Variants in SPTLC2 observed in about 807,000 individuals in gnomAD.
The protein encoded by SPTLC2 is serine palmitoyltransferase 2.
SPTLC2 carries 21 observed loss-of-function variants against 62.0 expected under a neutral mutation model. The ratio of observed to expected loss-of-function variants is 0.34; its 90% CI spans 0.24 to 0.49. SPTLC2 has a LOEUF of 0.49. Ranked by LOEUF, SPTLC2 falls within the 20% of genes least tolerant of loss-of-function variation. The pLI is 0.99. For synonymous variants in SPTLC2, 261 were observed against 261.8 expected (o/e 1.00, Z 0.03); for missense variants, 511 against 713.0 (o/e 0.72, Z 3.23).
chr14:77,540,806 T>C (rs866380228), intron 9 of SPTLC2, among the ~76,000 whole-genome samples: 7 of 152,316 alleles, frequency 4.6e-5, no homozygotes, highest in South Asian at 2.1e-4. Context: ...ATCTCTCTCA[T>C]TGCTAACATT....
chr14:77,521,160 C>A (rs564126115), intron 10 of SPTLC2, among the ~76,000 whole-genome samples: 1 of 152,324 alleles, frequency 6.6e-6, no homozygotes, highest in Non-Finnish European at 1.5e-5. Context: ...TGACTGTTGC[C>A]CCCTACTAGA....
At chr14:77,599,782 T>A (rs886980223) in intron 1 of SPTLC2, among the ~76,000 whole-genome samples, 10 of 152,132 alleles carry the variant, frequency 6.6e-5, no homozygotes, top group African/African-American at 2.4e-4. Flanking sequence ...AGGCAGAAAA[T>A]TGTTTAAAAA....
chr14:77,548,801 C>T (rs1172631628), intron 9 of SPTLC2, among the ~76,000 whole-genome samples: 1 of 152,146 alleles, frequency 6.6e-6, no homozygotes, highest in Non-Finnish European at 1.5e-5. Context: ...CTCACAAAGT[C>T]GTGTGGAAAC....
At chr14:77,598,817 G>T (rs552320928) in intron 1 of SPTLC2, among the ~76,000 whole-genome samples, 7 of 151,860 alleles carry the variant, frequency 4.6e-5, no homozygotes, top group African/African-American at 1.7e-4. Flanking sequence ...CATGCCTGTA[G>T]TCCCAGGTCC....
At position 77,545,637 on chromosome 14, in the gene SPTLC2, G is replaced by A. The variant is rs193214064; in HGVS notation, c.1303+6459C>T. ...ACTGGTTTATACATATTAAGTATCTGCTATAAAGTTGGGGAACAGCTAGGA... is the reference window on the plus strand; with the variant it reads ...ACTGGTTTATACATATTAAGTATCTACTATAAAGTTGGGGAACAGCTAGGA... On this transcript the variant is annotated intron_variant, in intron 9 of 11. Coordinates refer to ENST00000216484, the MANE Select transcript of SPTLC2 (RefSeq NM_004863.4). 6.6e-5 allele frequency among the ~76,000 whole-genome samples: 10 copies of A among 152,220 alleles called. No homozygotes were observed. In the East Asian group the frequency reaches 1.9e-3, roughly 29 times the overall value.
chr14:77,546,435 G>A (rs1056187945), intron 9 of SPTLC2, among the ~76,000 whole-genome samples: 3 of 152,140 alleles, frequency 2.0e-5, no homozygotes, highest in Non-Finnish European at 4.4e-5. Context: ...TAAAATATGA[G>A]TTTGCTTCAA....
chr14:77,506,371 A>G lies in SPTLC2; in HGVS notation c.*5913T>C, dbSNP rs2079305175. On this transcript the variant is annotated 3_prime_UTR_variant, in exon 12 of 12. Transcript: ENST00000216484. ...TTTACAGGTAACTTGGTCAGGGGAA[A>G]AATATGGGTCAACGAAGTAAGATCT... The G allele has an allele frequency of 6.6e-6, 1 of 152,212 alleles. No homozygotes were observed. Among genetic ancestry groups the G allele is most frequent in the Non-Finnish European group, 1.5e-5 (1 of 68,036 alleles). The allele number at this position is 152,212 out of a possible 1,614,324, so 9.4% of individuals were successfully genotyped here. A position where few individuals can be genotyped will look rare whatever the true frequency, so the allele number is the denominator to read the frequency against.
At chr14:77,613,080 CTACTATATTTCAGG>C (rs2079946674) in intron 1 of SPTLC2, among the ~76,000 whole-genome samples, 2 of 149,940 alleles carry the variant, frequency 1.3e-5, no homozygotes, top group Non-Finnish European at 3.0e-5. Flanking sequence ...CACAAACAAA[CTACTATATTTCAGG>C]TGCAACCAAA....
At chr14:77,591,730 G>GTATGTATGTATGCATT (rs372095112) in intron 2 of SPTLC2, among the ~76,000 whole-genome samples, 1 of 131,174 alleles carries the variant, frequency 7.6e-6, no homozygotes, top group African/African-American at 2.7e-5. Flanking sequence ...ATGTATGTAT[G>GTATGTATGTATGCATT]TATTTATTTT....
rs1555373703 is a variant in SPTLC2 at position 77,529,620 on chromosome 14, C to CTTTCTTTTTTTTTTTT, written c.1304-8040_1304-8039insAAAAAAAAAAAAGAAA. On this transcript the variant is annotated intron_variant, in intron 9 of 11. Transcript: ENST00000216484. ...TTCTAGGAAAGCAATTTCTTTCTTTCTTTTTTTTTTTTTTTTTTTTTTGAG... is the reference window on the plus strand; with the variant it reads ...TTCTAGGAAAGCAATTTCTTTCTTTCTTTCTTTTTTTTTTTTTTTTTTTTTTTTTTTTTTTTTTGAG... Among the ~76,000 whole-genome samples, 100 of 76,068 alleles carry CTTTCTTTTTTTTTTTT rather than the reference C, an allele frequency of 1.3e-3. 6 individuals are homozygous for CTTTCTTTTTTTTTTTT. Among genetic ancestry groups the CTTTCTTTTTTTTTTTT allele is most frequent in the Non-Finnish European group, 1.9e-3 (71 of 36,824 alleles). 49.9% of individuals were successfully genotyped at this position (76,068 alleles called of 152,430 possible).
chr14:77,594,726 T>TA (rs1179727913), intron 2 of SPTLC2, among the ~76,000 whole-genome samples: 1 of 152,244 alleles, frequency 6.6e-6, no homozygotes, highest in East Asian at 1.9e-4. Flanking sequence ...TTGCCTATAC[T>TA]ATCCCCTCAT....
chr14:77,529,042 T>C (rs2079423018), intron 9 of SPTLC2, among the ~76,000 whole-genome samples: 1 of 152,058 alleles, frequency 6.6e-6, no homozygotes, highest in Non-Finnish European at 1.5e-5. Context: ...TTCACCATGT[T>C]GGCCAGGCTG....
chr14:77,519,083 AG>A (rs1402963178), intron 10 of SPTLC2, among the ~76,000 whole-genome samples: 1 of 152,150 alleles, frequency 6.6e-6, no homozygotes, highest in African/African-American at 2.4e-5. Flanking sequence ...CTTTGTCGCC[AG>A]GCTGCAGTGC....
intron 11 of SPTLC2, among the ~76,000 whole-genome samples, chr14:77,513,942 T>G (rs1325275836): frequency 6.8e-6 from 1 of 146,212 alleles, no homozygotes; most frequent in African/African-American, 2.5e-5. Context: ...GGCTCAAGCC[T>G]GTAATCACAG....
chr14:77,598,568 G>A (rs989554333), intron 1 of SPTLC2, among the ~76,000 whole-genome samples: 113 of 152,264 alleles, frequency 7.4e-4, no homozygotes, highest in African/African-American at 2.7e-3. Context: ...GCAGAAACAC[G>A]TAGTTCAAAT....
intron 2 of SPTLC2, among the ~76,000 whole-genome samples, chr14:77,596,349 A>C (rs2079847498): frequency 1.3e-5 from 2 of 151,816 alleles, no homozygotes; most frequent in African/African-American, 4.8e-5. Context: ...AAAAAAAAAA[A>C]AAAATTAGCC....
At chr14:77,577,339 C>T (rs1460996631) in intron 3 of SPTLC2, among the ~76,000 whole-genome samples, 1 of 152,074 alleles carries the variant, frequency 6.6e-6, no homozygotes, top group Non-Finnish European at 1.5e-5. Flanking sequence ...AGTGACATTT[C>T]ATACAATGGA....
chr14:77,586,450 T>C (rs76308774), intron 2 of SPTLC2, among the ~76,000 whole-genome samples: 4,304 of 152,262 alleles, frequency 0.028, 204 homozygotes, highest in African/African-American at 0.098. Flanking sequence ...TACGTACCAA[T>C]TGGAAACAGA....
At chr14:77,591,809 C>A (rs1342577555) in intron 2 of SPTLC2, among the ~76,000 whole-genome samples, 1 of 152,000 alleles carries the variant, frequency 6.6e-6, no homozygotes, top group African/African-American at 2.4e-5. Flanking sequence ...CTGCAACCTC[C>A]ACCTCTCTGG....
Sources: gnomAD v4.1 joint callset for allele counts (sites outside exome capture counted in the v4.1 genomes callset) on GRCh38, gnomAD v4.1.1 for gene constraint, MANE v1.5 for transcripts, NCBI Gene and HGNC (gene_info 2026-07-23, HGNC 2026-07-21) for gene names.